The following GRHL1 variants were observed in gnomAD, a reference collection of about 807,000 sequenced individuals.
GRHL1 encodes the protein grainyhead like transcription factor 1.
GRHL1 carries 38 observed loss-of-function variants against 75.7 expected under a neutral mutation model. The ratio of observed to expected loss-of-function variants is 0.50; its 90% CI spans 0.39 to 0.66. The LOEUF is 0.66. Among genes scored for constraint, GRHL1 ranks in the 30% least tolerant of loss-of-function variants. The pLI is 0.00. For missense variants in GRHL1, 589 were observed against 767.5 expected (o/e 0.77, Z 2.75); for synonymous variants, 266 against 279.4 (o/e 0.95, Z 0.48).
chr2:9,973,091 C>T (rs185744511), intron 8 of GRHL1, among the ~76,000 whole-genome samples: 235 of 152,296 alleles, frequency 1.5e-3, no homozygotes, highest in Admixed American at 0.011. Flanking sequence ...CCTCCCTGCC[C>T]GCCTCCTGCC....
Position 9,986,639 on chromosome 2 carries a change from A to G in GRHL1, c.1269+357A>G, listed in dbSNP as rs531307202. The stretch of plus-strand genomic sequence containing the variant: ...CGCCATGTTCCCCAGGCTGGTCTCC[A>G]ACTCCTGAGCTCAGGTAATCTGCCC... On this transcript the variant is annotated intron_variant, in intron 9 of 15. Transcript: ENST00000324907. 4.6e-5 allele frequency among the ~76,000 whole-genome samples: 7 copies of G among 152,184 alleles called. No individual in the cohort carries two copies. In the East Asian group the frequency reaches 1.4e-3, roughly 29 times the overall value.
At chr2:9,961,510 A>G (rs1181671467) in intron 4 of GRHL1, 74 bp downstream of exon 4, 2 of 1,388,292 alleles carry the variant, frequency 1.4e-6, no homozygotes, top group Non-Finnish European at 2.0e-6. Context: ...TTTCCTTGTT[A>G]TGTAAGCATG....
intron 2 of GRHL1, among the ~76,000 whole-genome samples, chr2:9,957,610 C>T (rs1667089902): frequency 1.3e-5 from 2 of 151,984 alleles, no homozygotes; most frequent in African/African-American, 2.4e-5. Flanking sequence ...GGGGTTTTAA[C>T]ATGTTGGCCA....
chr2:9,967,864 A>C (rs972098368), intron 8 of GRHL1, among the ~76,000 whole-genome samples: 5 of 151,648 alleles, frequency 3.3e-5, no homozygotes, highest in Admixed American at 2.6e-4. Context: ...TTTAGGATGC[A>C]TTTGTTGATT....
chr2:9,984,526 C>A (rs1558309390), intron 8 of GRHL1, among the ~76,000 whole-genome samples: 1 of 152,198 alleles, frequency 6.6e-6, no homozygotes, highest in Non-Finnish European at 1.5e-5. Flanking sequence ...TCTTAAGTAG[C>A]AGCTTCCAAT....
At chr2:9,965,438 T>A in intron 8 of GRHL1, 57 bp downstream of exon 8, 1 of 912,458 alleles carries the variant, frequency 1.1e-6, no homozygotes, top group Non-Finnish European at 1.8e-6. Context: ...GGGAGGAGTT[T>A]AATGATTTGA....
chr2:9,974,408 T>C (rs917127308), intron 8 of GRHL1, among the ~76,000 whole-genome samples: 1 of 152,252 alleles, frequency 6.6e-6, no homozygotes, highest in Non-Finnish European at 1.5e-5. Context: ...TAAATCCACC[T>C]ACATTACTTT....
At position 9,990,921 on chromosome 2, in the gene GRHL1, C is replaced by T. The variant is rs1572384659; in HGVS notation, c.1321+174C>T. 2 of 527,300 alleles carry T rather than the reference C, an allele frequency of 3.8e-6. No individual in the cohort carries two copies. The highest frequency in any genetic ancestry group is 6.8e-6 in the Non-Finnish European group (2 of 293,118). 32.7% of individuals were successfully genotyped at this position (527,300 alleles called of 1,614,324 possible). Reference sequence around the variant, plus strand: ...TCTTCCTCAGATCAGCAGCAGATGCCAGCTCAGCGGGAGGGGTTTTCCTGG... The same window carrying T: ...TCTTCCTCAGATCAGCAGCAGATGCTAGCTCAGCGGGAGGGGTTTTCCTGG... On this transcript the variant is annotated intron_variant, in intron 10 of 15. Coordinates refer to ENST00000324907, the MANE Select transcript of GRHL1 (RefSeq NM_198182.3). The surrounding 1 kb of genome is among the most constrained non-coding windows in gnomAD (Gnocchi z 4.2).
In GRHL1 at chr2:9,958,861, C is replaced by T. The variant is rs376660067; in HGVS notation, c.278+5C>T. On this transcript the variant is annotated splice_donor_5th_base_variant and intron_variant, in intron 3 of 15. Coordinates refer to ENST00000324907, the MANE Select transcript of GRHL1 (RefSeq NM_198182.3). ...TGAGCCAGATCACAGCAAAAGGTAA[C>T]ATTCAGTGCCTAACAGCATAAAGAG... The T allele has an allele frequency of 6.2e-6, 10 of 1,613,060 alleles. No homozygotes were observed. In the Middle Eastern group the frequency reaches 4.9e-4, roughly 80 times the overall value.
intron 12 of GRHL1, 106 bp downstream of exon 12, chr2:9,993,350 C>T: frequency 2.2e-6 from 2 of 927,194 alleles, no homozygotes; most frequent in Non-Finnish European, 3.5e-6. Flanking sequence ...CCTGAGCCAT[C>T]AAGGATAAGT....
rs982552361 is a variant in GRHL1, at chr2:9,951,695, A to C, written c.-139A>C. Reference sequence around the variant, plus strand: ...CGCAGCCCGCGCGGAGCCGGCTCAGAGCGAGAAAAGCAAACCCAACCCGTC... The same window carrying C: ...CGCAGCCCGCGCGGAGCCGGCTCAGCGCGAGAAAAGCAAACCCAACCCGTC... On this transcript the variant is annotated 5_prime_UTR_variant, in exon 1 of 16. Coordinates refer to ENST00000324907, the MANE Select transcript of GRHL1 (RefSeq NM_198182.3). This position sits in a 1 kb window ranked among gnomAD's most constrained non-coding sequence, Gnocchi z 4.2. 1 of 747,104 alleles carries C rather than the reference A, an allele frequency of 1.3e-6. No individual in the cohort carries two copies. Among genetic ancestry groups the C allele is most frequent in the African/African-American group, 1.9e-5 (1 of 52,406 alleles). The allele number at this position is 747,104 out of a possible 1,614,324, so 46.3% of individuals were successfully genotyped here.
chr2:9,993,339 C>A, intron 12 of GRHL1, 95 bp downstream of exon 12: 3 of 1,006,360 alleles, frequency 3.0e-6, no homozygotes, highest in South Asian at 1.3e-5. Context: ...ACTCATTTTT[C>A]CCTGAGCCAT....
intron 8 of GRHL1, among the ~76,000 whole-genome samples, chr2:9,979,383 C>T (rs1358691385): frequency 1.3e-5 from 2 of 151,850 alleles, no homozygotes; most frequent in African/African-American, 4.8e-5. Flanking sequence ...TACAGGTGCA[C>T]ACCACCATGC....
intron 8 of GRHL1, among the ~76,000 whole-genome samples, chr2:9,972,333 G>T (rs1283118067): frequency 2.6e-5 from 4 of 151,240 alleles, no homozygotes; most frequent in Non-Finnish European, 4.4e-5. Context: ...TGGAAATTCT[G>T]TCGGTGGTAG....
rs1668579332 is a variant in GRHL1 at position 9,990,139 on chromosome 2, A to G, written c.1270-557A>G. On this transcript the variant is annotated intron_variant, in intron 9 of 15. Transcript: ENST00000324907. The surrounding 1 kb of genome is among the most constrained non-coding windows in gnomAD (Gnocchi z 4.2). ...TTCATTTAACACGACCACATCCATT[A>G]TAAGGAGAAATTTTGCTTTTTTTTT... Among the ~76,000 whole-genome samples the G allele has an allele frequency of 6.6e-6, 1 of 151,688 alleles. No homozygotes were observed. Among genetic ancestry groups the G allele is most frequent in the Non-Finnish European group, 1.5e-5 (1 of 67,962 alleles).
rs1668477131 is a variant in GRHL1 at position 9,987,551 on chromosome 2, A to G, written c.1269+1269A>G. On this transcript the variant is annotated intron_variant, in intron 9 of 15. Coordinates refer to ENST00000324907, the MANE Select transcript of GRHL1 (RefSeq NM_198182.3). This position sits in a 1 kb window ranked among gnomAD's most constrained non-coding sequence, Gnocchi z 4.2. ...CTTCCCCAAAGGCCCTTCAATAAGC[A>G]TGGGGAAGGAGAGGTGCGGATTCTT... 1.3e-5 allele frequency among the ~76,000 whole-genome samples: 2 copies of G among 152,180 alleles called. No individual in the cohort carries two copies. The highest frequency in any genetic ancestry group is 4.1e-4 in the South Asian group (2 of 4,824).
chr2:9,953,343 C>T (rs2125199295), intron 1 of GRHL1, among the ~76,000 whole-genome samples: 1 of 152,362 alleles, frequency 6.6e-6, no homozygotes, highest in Middle Eastern at 3.4e-3. Context: ...GTACATCAGT[C>T]AATCAGTCCA....
In GRHL1 at chr2:9,993,202, C is replaced by A; in HGVS notation, c.1462-5C>A. The A allele has an allele frequency of 6.2e-7, 1 of 1,603,856 alleles. No homozygotes were observed. Among genetic ancestry groups the A allele is most frequent in the South Asian group, 1.1e-5 (1 of 90,876 alleles). On this transcript the variant is annotated splice_region_variant and splice_polypyrimidine_tract_variant and intron_variant, in intron 11 of 15. Transcript: ENST00000324907. Reference sequence around the variant, plus strand: ...TTGAAAAGCAATCTATTCCTTTGGTCTTAGGTCCTTCCCATTGCCTCTGAA... The same window carrying A: ...TTGAAAAGCAATCTATTCCTTTGGTATTAGGTCCTTCCCATTGCCTCTGAA...
At chr2:9,952,103 C>T (rs1480726527) in intron 1 of GRHL1, among the ~76,000 whole-genome samples, 2 of 139,526 alleles carry the variant, frequency 1.4e-5, no homozygotes, top group African/African-American at 5.8e-5. Flanking sequence ...GGCCACCCTC[C>T]TCCCCTCCTC....
Sources: allele counts gnomAD v4.1 joint callset (sites outside exome capture counted in the v4.1 genomes callset), GRCh38; gene constraint gnomAD v4.1.1; non-coding constraint Gnocchi (gnomAD v3.1); transcripts MANE v1.5; gene names NCBI Gene and HGNC (gene_info 2026-07-23, HGNC 2026-07-21).